CD4: variants seen among roughly 807,000 people sequenced by gnomAD.
The protein encoded by CD4 is CD4 molecule.
In CD4, 25 loss-of-function variants were observed where a neutral mutation model predicts 50.5. The observed-to-expected ratio is 0.49, with a 90% CI of 0.36 to 0.69. CD4 has a LOEUF of 0.69. Among genes scored for constraint, CD4 ranks in the 30% least tolerant of loss-of-function variants. The probability of loss-of-function intolerance (pLI) is 0.00; values close to 1 mark genes in which losing one functional copy is unlikely to be tolerated. For missense variants in CD4, 456 were observed against 548.5 expected (o/e 0.83, Z 1.68); for synonymous variants, 207 against 221.9 (o/e 0.93, Z 0.60).
intron 3 of CD4, among the ~76,000 whole-genome samples, chr12:6,808,127 C>T (rs1369781476): frequency 1.4e-5 from 2 of 145,716 alleles, no homozygotes; most frequent in African/African-American, 2.5e-5. Context: ...GCCAGGAAAG[C>T]GTATAATTTT....
In CD4 at chr12:6,818,133, GCACACACATGCACACA is replaced by G. The variant is rs1943151893; in HGVS notation, c.1157-286_1157-271del. 6.7e-6 allele frequency among the ~76,000 whole-genome samples: 1 copy of G among 148,858 alleles called. No homozygotes were observed. ...ACACACATTCACACCATTCACACAC[GCACACACATGCACACA>G]CTCACACATGCACACACACATGCAC... On this transcript the variant is annotated intron_variant, in intron 7 of 9. Transcript: ENST00000011653. The surrounding 1 kb of genome is among the most constrained non-coding windows in gnomAD (Gnocchi z 5.0).
At chr12:6,796,378 G>A (rs1010366374) in intron 1 of CD4, among the ~76,000 whole-genome samples, 3 of 152,222 alleles carry the variant, frequency 2.0e-5, no homozygotes, top group Non-Finnish European at 4.4e-5. Context: ...GACCAAGCTT[G>A]GAAGACAGAG....
chr12:6,806,345 C>T (rs1565495223), intron 3 of CD4, among the ~76,000 whole-genome samples: 1 of 151,570 alleles, frequency 6.6e-6, no homozygotes, highest in African/African-American at 2.4e-5. Context: ...TGCTCTGTCA[C>T]CCAGGCTGGG....
intron 5 of CD4, among the ~76,000 whole-genome samples, chr12:6,815,532 G>T (rs1943062702): frequency 6.6e-6 from 1 of 152,120 alleles, no homozygotes. Flanking sequence ...TGAAATCCTG[G>T]TTCTGCCACA....
intron 1 of CD4, 100 bp from the exon 2 acceptor site, chr12:6,799,972 T>C (rs1942485841): frequency 1.6e-6 from 1 of 632,152 alleles, no homozygotes; most frequent in East Asian, 2.7e-5. Flanking sequence ...TCAAGTTCAC[T>C]AGGCTGGCTG....
rs200994643 is a variant in CD4 at position 6,818,454 on chromosome 12, T to G, written c.1190T>G (p.Met397Arg). 3 of 1,612,872 alleles carry G rather than the reference T, an allele frequency of 1.9e-6. No individual in the cohort carries two copies. The highest frequency in any genetic ancestry group is 2.5e-6 in the Non-Finnish European group (3 of 1,180,016). Residue 397 changes from methionine (M) to arginine (R), a missense_variant, in exon 8 of 10, where the codon ATG (methionine) becomes AGG (arginine). Coordinates refer to ENST00000011653, the MANE Select transcript of CD4 (RefSeq NM_000616.5). The surrounding 1 kb of genome is among the most constrained non-coding windows in gnomAD (Gnocchi z 5.0). ...LPTWSTPVQP[M>R]ALIVLGGVAG... ...ACATGGTCCACCCCGGTGCAGCCAATGGCCCTGATTGTGCTGGGGGGCGTC... is the reference window on the plus strand; with the variant it reads ...ACATGGTCCACCCCGGTGCAGCCAAGGGCCCTGATTGTGCTGGGGGGCGTC...
At chr12:6,799,934 C>T (rs1555114920) in intron 1 of CD4, 138 bp from the exon 2 acceptor site, 10 of 585,548 alleles carry the variant, frequency 1.7e-5, no homozygotes, top group Non-Finnish European at 2.7e-5. Context: ...TTAATCCAAC[C>T]TCCAATTCCC....
chr12:6,804,792 G>A lies in CD4; in HGVS notation c.214+4321G>A, dbSNP rs185761774. On this transcript the variant is annotated intron_variant, in intron 3 of 9. Transcript: ENST00000011653. ...AACACTTTGGGAGGCTGAGGCGGGC[G>A]GATCATGAGGTCAGGAGATCGAGAC... 8.5e-3 allele frequency among the ~76,000 whole-genome samples: 1,295 copies of A among 151,962 alleles called. 22 individuals are homozygous for A. The highest frequency in any genetic ancestry group is 0.029 in the African/African-American group (1,206 of 41,428).
At chr12:6,807,066 C>T (rs186789061) in intron 3 of CD4, among the ~76,000 whole-genome samples, 203 of 152,146 alleles carry the variant, frequency 1.3e-3, no homozygotes, top group Non-Finnish European at 2.4e-4. Flanking sequence ...ACTCGGGAGG[C>T]TGAGGCAGGA....
intron 3 of CD4, among the ~76,000 whole-genome samples, chr12:6,812,014 C>T (rs1380898680): frequency 3.9e-5 from 6 of 152,052 alleles, no homozygotes; most frequent in African/African-American, 1.4e-4. Flanking sequence ...ACGAGGGTCT[C>T]GATTGGCTGC....
Position 6,806,182 on chromosome 12 carries a change from C to CAT in CD4, c.214+5713_214+5714dup, listed in dbSNP as rs797027720. On this transcript the variant is annotated intron_variant, in intron 3 of 9. Coordinates refer to ENST00000011653, the MANE Select transcript of CD4 (RefSeq NM_000616.5). ...ACACACACACACACACACACACACA[C>CAT]ATACACAAGTATATACACATATATA... Among the ~76,000 whole-genome samples, 702 of 80,006 alleles carry CAT rather than the reference C, an allele frequency of 8.8e-3. 7 individuals carry two copies. Among genetic ancestry groups the CAT allele is most frequent in the East Asian group, 0.032 (105 of 3,328 alleles). 52.5% of individuals were successfully genotyped at this position (80,006 alleles called of 152,430 possible). A position where few individuals can be genotyped will look rare whatever the true frequency, so the allele number is the denominator to read the frequency against.
rs2137934385 is a variant in CD4, at chr12:6,819,398, C to T, written c.*69C>T. On this transcript the variant is annotated 3_prime_UTR_variant, in exon 10 of 10. Coordinates refer to ENST00000011653, the MANE Select transcript of CD4 (RefSeq NM_000616.5). ...CTGCCCCGCGTTTCCTGCCTGCGGA[C>T]CAGATGAATGTAGCAGATCCCCAGC... 9 of 1,451,376 alleles carry T rather than the reference C, an allele frequency of 6.2e-6. No homozygotes were observed. The highest frequency in any genetic ancestry group is 1.7e-5 in the Admixed American group (1 of 59,782). 89.9% of individuals were successfully genotyped at this position (1,451,376 alleles called of 1,614,324 possible). A position where few individuals can be genotyped will look rare whatever the true frequency, so the allele number is the denominator to read the frequency against.
At chr12:6,804,081 A>G (rs1427393328) in intron 3 of CD4, among the ~76,000 whole-genome samples, 1 of 151,454 alleles carries the variant, frequency 6.6e-6, no homozygotes, top group African/African-American at 2.4e-5. Flanking sequence ...ACTACACTCC[A>G]GCCTAGGCGA....
At chr12:6,795,947 C>T (rs1264303102) in intron 1 of CD4, among the ~76,000 whole-genome samples, 1 of 152,158 alleles carries the variant, frequency 6.6e-6, no homozygotes, top group East Asian at 1.9e-4. Context: ...GGCAGGGCCC[C>T]GTGGGGATGA....
In CD4 at chr12:6,817,818, C is replaced by G. The variant is rs868994421; in HGVS notation, c.1156+488C>G. 1.4e-4 allele frequency among the ~76,000 whole-genome samples: 21 copies of G among 151,176 alleles called. No homozygotes were observed. In the Middle Eastern group the frequency reaches 0.017, roughly 122 times the overall value. ...CTCACCCCATGTACTCACACCCATG[C>G]ACTCACACACTGTCACACACTCATA... On this transcript the variant is annotated intron_variant, in intron 7 of 9. Coordinates refer to ENST00000011653, the MANE Select transcript of CD4 (RefSeq NM_000616.5).
At chr12:6,790,353 C>G (rs1942120173) in intron 1 of CD4, among the ~76,000 whole-genome samples, 1 of 152,146 alleles carries the variant, frequency 6.6e-6, no homozygotes, top group African/African-American at 2.4e-5. Context: ...CTTCTTTGCT[C>G]TTTTAAGATT....
chr12:6,794,520 C>T (rs1040241418), intron 1 of CD4, among the ~76,000 whole-genome samples: 4 of 151,424 alleles, frequency 2.6e-5, no homozygotes, highest in Admixed American at 6.6e-5. Context: ...TACAGACGTG[C>T]GTCACCATGC....
chr12:6,814,326 A>C (rs782277246), intron 4 of CD4, 26 bp downstream of exon 4: 22 of 1,605,810 alleles, frequency 1.4e-5, no homozygotes, highest in Non-Finnish European at 1.8e-5. Flanking sequence ...GGGGATGAGG[A>C]TACCTCCTGC....
Position 6,813,223 on chromosome 12 carries a change from T to A in CD4, c.215-919T>A, listed in dbSNP as rs369927868. On this transcript the variant is annotated intron_variant, in intron 3 of 9. Coordinates refer to ENST00000011653, the MANE Select transcript of CD4 (RefSeq NM_000616.5). The stretch of plus-strand genomic sequence containing the variant: ...CCAAGGCGGCTAATTAAAAAAAATT[T>A]TTTTTTTTTTTTTTTTAGAGATGGG... Among the ~76,000 whole-genome samples, 139 of 143,480 alleles carry A rather than the reference T, an allele frequency of 9.7e-4. 1 individual carries two copies. The East Asian group carries it at 0.014, about 14-fold the overall frequency. The allele number at this position is 143,480 out of a possible 152,430, so 94.1% of individuals were successfully genotyped here.
Sources: allele counts gnomAD v4.1 joint callset (sites outside exome capture counted in the v4.1 genomes callset), GRCh38; gene constraint gnomAD v4.1.1; non-coding constraint Gnocchi (gnomAD v3.1); transcripts MANE v1.5; gene names NCBI Gene and HGNC (gene_info 2026-07-23, HGNC 2026-07-21).